Variants in CCDC73 observed in about 807,000 individuals in gnomAD.
CCDC73 encodes the protein coiled-coil domain containing 73.
A neutral mutation model predicts 116.5 loss-of-function variants in CCDC73; 95 were observed. That is an observed-to-expected ratio of 0.82 (90% CI 0.69 to 0.97). The LOEUF is 0.97. CCDC73 is among the 50% of genes least tolerant of loss of function. The pLI is 0.00. For missense variants in CCDC73, 1,066 were observed against 1,206.8 expected, an observed-to-expected ratio of 0.88 and a Z score of 1.73; for synonymous variants, 398 against 401.3, an observed-to-expected ratio of 0.99 and a Z score of 0.10.
intron 12 of CCDC73, among the ~76,000 whole-genome samples, chr11:32,650,656 G>C (rs1215958795): frequency 6.6e-6 from 1 of 152,120 alleles, no homozygotes; most frequent in East Asian, 1.9e-4. Flanking sequence ...GGGATTAAAA[G>C]AAGGGAGAGG....
the CCDC73 span, among the ~76,000 whole-genome samples, chr11:32,812,676 A>T: frequency 6.6e-5 from 10 of 150,676 alleles, no homozygotes; most frequent in Admixed American, 1.3e-4. Flanking sequence ...TCTCCAAAAA[A>T]AAAAAAAAAA....
At chr11:32,805,205 T>G in the CCDC73 span, among the ~76,000 whole-genome samples, 1 of 152,230 alleles carries the variant, frequency 6.6e-6, no homozygotes, top group Non-Finnish European at 1.5e-5. Flanking sequence ...AGATAATTAA[T>G]TTAATTTCTC....
chr11:32,829,741 G>A, the CCDC73 span: 3 of 984,258 alleles, frequency 3.0e-6, no homozygotes, highest in African/African-American at 3.5e-5. Flanking sequence ...CGCCGCCAAG[G>A]CGGGGCCAGA....
intron 12 of CCDC73, among the ~76,000 whole-genome samples, chr11:32,644,365 AGG>A (rs1333190573): frequency 6.6e-6 from 1 of 152,136 alleles, no homozygotes; most frequent in Non-Finnish European, 1.5e-5. Context: ...ACTACCAATC[AGG>A]TACTATACTT....
rs1363564643 is a variant in CCDC73, at chr11:32,702,929, G to C, written c.223C>G (p.Gln75Glu). ...TGTTGCTCTGCCAATGTTTCCTTTT[G>C]ATTCTGAAGAGTTTCCTGTTTTAAA... is the stretch of plus-strand genomic sequence containing the variant. Reference protein sequence around the residue: ...LKWQKETLQNQKETLAEQHKE... With the variant: ...LKWQKETLQNEKETLAEQHKE... Residue 75 changes from glutamine to glutamate, a missense_variant, in exon 4 of 18, where the codon CAA becomes GAA. Physicochemically the swap from Gln to Glu is conservative, Grantham distance 29. Coordinates refer to ENST00000335185, the MANE Select transcript of CCDC73 (RefSeq NM_001008391.4). 1.2e-6 allele frequency: 2 copies of C among 1,611,774 alleles called. No homozygotes were observed. Among genetic ancestry groups the C allele is most frequent in the South Asian group, 2.2e-5 (2 of 91,030 alleles).
chr11:32,605,710 A>G (rs115563300), intron 17 of CCDC73: 17 of 152,210 alleles, frequency 1.1e-4, no homozygotes, highest in African/African-American at 3.9e-4. Context: ...TTAGAGAAAC[A>G]AGATACAGTG....
At chr11:32,803,954 A>G in the CCDC73 span, among the ~76,000 whole-genome samples, 1 of 151,872 alleles carries the variant, frequency 6.6e-6, no homozygotes, top group Non-Finnish European at 1.5e-5. Context: ...CTACAGGTGT[A>G]TGCCACAGCA....
At chr11:32,698,478 A>G (rs1452400173) in intron 6 of CCDC73, among the ~76,000 whole-genome samples, 1 of 152,218 alleles carries the variant, frequency 6.6e-6, no homozygotes. Flanking sequence ...GCATAATAAC[A>G]GTGGATCCAT....
intron 9 of CCDC73, among the ~76,000 whole-genome samples, chr11:32,665,987 C>T (rs181074974): frequency 2.2e-4 from 34 of 152,274 alleles, no homozygotes; most frequent in Admixed American, 4.6e-4. Flanking sequence ...AATATATGGC[C>T]CACACTCTCT....
At chr11:32,672,563 T>A (rs1057434425) in intron 9 of CCDC73, among the ~76,000 whole-genome samples, 3 of 152,158 alleles carry the variant, frequency 2.0e-5, no homozygotes, top group Admixed American at 6.5e-5. Context: ...CAAAGAGACA[T>A]CAATGAAAAT....
At chr11:32,714,087 C>G (rs925779770) in intron 3 of CCDC73, among the ~76,000 whole-genome samples, 29 of 152,036 alleles carry the variant, frequency 1.9e-4, no homozygotes, top group African/African-American at 7.0e-4. Flanking sequence ...CAGGGTTACT[C>G]ATTTTACTGG....
chr11:32,722,347 A>T (rs1849997092), intron 2 of CCDC73, among the ~76,000 whole-genome samples: 1 of 152,200 alleles, frequency 6.6e-6, no homozygotes, highest in Non-Finnish European at 1.5e-5. Context: ...TTCCCTAATA[A>T]TTCATTGGCC....
Position 32,613,605 on chromosome 11 carries a change from AAAAATTCATG to A in CCDC73, c.2703_2712del (p.Met902GlnfsTer9). On this transcript the variant is annotated frameshift_variant, in exon 16 of 18. Transcript: ENST00000335185. LOFTEE classifies it high-confidence loss of function. ...ACTTTTGACCAAGGACCGGGGTCTG[AAAAATTCATG>A]TATACTGGAGTTTTCTCAGTTTTTT... is the stretch of plus-strand genomic sequence containing the variant. 1 of 1,614,136 alleles carries A rather than the reference AAAAATTCATG, an allele frequency of 6.2e-7. No individual in the cohort carries two copies. The highest frequency in any genetic ancestry group is 8.5e-7 in the Non-Finnish European group (1 of 1,180,010).
chr11:32,666,250 A>T (rs544953968), intron 9 of CCDC73, among the ~76,000 whole-genome samples: 2,571 of 152,170 alleles, frequency 0.017, 75 homozygotes, highest in African/African-American at 0.057. Flanking sequence ...TACCCTGCTG[A>T]GTGGTTTTCA....
chr11:32,631,593 GA>G, intron 14 of CCDC73, among the ~76,000 whole-genome samples: 1 of 151,026 alleles, frequency 6.6e-6, no homozygotes, highest in Non-Finnish European at 1.5e-5. Context: ...GGAAAGGAAG[GA>G]AAGGAAGGAA....
chr11:32,696,518 C>G (rs1856312182), intron 6 of CCDC73, among the ~76,000 whole-genome samples: 1 of 152,156 alleles, frequency 6.6e-6, no homozygotes, highest in African/African-American at 2.4e-5. Context: ...CCTCAACCTT[C>G]TGGGTTCAAG....
At chr11:32,606,630 G>A (rs1013643354) in intron 17 of CCDC73, among the ~76,000 whole-genome samples, 1 of 152,056 alleles carries the variant, frequency 6.6e-6, no homozygotes, top group Admixed American at 6.5e-5. Flanking sequence ...TTTCTATTGT[G>A]AAAGTTAAGA....
chr11:32,791,146 G>C (rs926248268), intron 1 of CCDC73, among the ~76,000 whole-genome samples: 5 of 152,006 alleles, frequency 3.3e-5, no homozygotes, highest in Admixed American at 1.3e-4. Context: ...AATTTCCATG[G>C]GTCATCAGGA....
chr11:32,732,876 C>T (rs1320113692), intron 2 of CCDC73, among the ~76,000 whole-genome samples: 1 of 152,128 alleles, frequency 6.6e-6, no homozygotes, highest in South Asian at 2.1e-4. Flanking sequence ...AGCAAAATAA[C>T]CAGCTAACAT....
Sources: gnomAD v4.1 joint callset for allele counts (sites outside exome capture counted in the v4.1 genomes callset) on GRCh38, gnomAD v4.1.1 for gene constraint, MANE v1.5 for transcripts, NCBI Gene and HGNC (gene_info 2026-07-23, HGNC 2026-07-21) for gene names.